Variants in CANT1 observed in about 807,000 individuals in gnomAD.
The protein encoded by CANT1 is calcium activated nucleotidase 1.
Under a neutral mutation model 30.0 loss-of-function variants are expected in CANT1, and 26 were observed. The observed-to-expected ratio is 0.87, with a 90% confidence interval of 0.64 to 1.20. The LOEUF is 1.20. CANT1 is among the 50% of genes most tolerant of loss of function. CANT1 has a pLI of 0.00. For synonymous variants in CANT1, 246 were observed against 251.8 expected, an observed-to-expected ratio of 0.98 and a Z score of 0.22; for missense variants, 518 against 563.0, an observed-to-expected ratio of 0.92 and a Z score of 0.81.
Position 78,994,890 on chromosome 17 carries a change from A to G in CANT1, c.835+128T>C, listed in dbSNP as rs1433658603. On this transcript the variant is annotated intron_variant, in intron 4 of 4. Coordinates refer to ENST00000392446, the MANE Select transcript of CANT1 (RefSeq NM_001159773.2). ...AGCTGAGATCGTGCCACTGCACTCT[A>G]ACCGGGGTGACAGAGCAAGACTATG... 44 of 1,008,004 alleles carry G rather than the reference A, an allele frequency of 4.4e-5. No individual in the cohort carries two copies. In the East Asian group the frequency reaches 1.1e-3, roughly 26 times the overall value. 62.4% of individuals were successfully genotyped at this position (1,008,004 alleles called of 1,614,324 possible). A position where few individuals can be genotyped will look rare whatever the true frequency, so the allele number is the denominator to read the frequency against.
rs1309423148 is a variant in CANT1 at position 78,992,400 on chromosome 17, C to A, written c.*1150G>T. On this transcript the variant is annotated 3_prime_UTR_variant, in exon 5 of 5. Coordinates refer to ENST00000392446, the MANE Select transcript of CANT1 (RefSeq NM_001159773.2). Reference sequence around the variant, plus strand: ...GGAAACGTCCCTTCTCAGCCTGGGTCGTGCCTAACCTGGGTCTCAAATCCC... The same window carrying A: ...GGAAACGTCCCTTCTCAGCCTGGGTAGTGCCTAACCTGGGTCTCAAATCCC... The A allele has an allele frequency of 1.0e-5, 3 of 289,352 alleles. No individual in the cohort carries two copies. The highest frequency in any genetic ancestry group is 1.0e-3 in the Middle Eastern group (1 of 974). 17.9% of individuals were successfully genotyped at this position (289,352 alleles called of 1,614,324 possible).
rs767188166 is a variant in CANT1, at chr17:78,997,530, C to T, written c.93G>A (p.Met31Ile). 8 of 1,567,146 alleles carry T rather than the reference C, an allele frequency of 5.1e-6. No homozygotes were observed. Among genetic ancestry groups the T allele is most frequent in the Non-Finnish European group, 6.1e-6 (7 of 1,155,448 alleles). ...SVGGLPVLAS[M>I]TKAADPRFRP... ...GGAAGCGGGGGTCCGCGGCCTTGGT[C>T]ATGGACGCCAGCACAGGAAGGCCCC... Residue 31 changes from methionine (M) to isoleucine (I), a missense_variant, in exon 3 of 5, where the codon ATG (methionine) becomes ATA (isoleucine). Around this residue, in one of 3 missense-constraint regions of CANT1, gnomAD observed 249 missense variants for 268.8 expected, o/e 0.93. Transcript: ENST00000392446. The surrounding 1 kb of genome is among the most constrained non-coding windows in gnomAD (Gnocchi z 7.5).
chr17:78,997,970 A>T lies in CANT1; in HGVS notation c.-146-7T>A, dbSNP rs1414944429. ...CTGGTGCTCTGTGGTCCCTCTAAAG[A>T]GAGAAGCGCAGGAGAGTCAGGTGGG... On this transcript the variant is annotated splice_region_variant and splice_polypyrimidine_tract_variant and intron_variant, in intron 1 of 4. Coordinates refer to ENST00000392446, the MANE Select transcript of CANT1 (RefSeq NM_001159773.2). This position sits in a 1 kb window ranked among gnomAD's most constrained non-coding sequence, Gnocchi z 7.5. 1.0e-5 allele frequency: 3 copies of T among 295,928 alleles called. No individual in the cohort carries two copies. The highest frequency in any genetic ancestry group is 4.6e-5 in the Admixed American group (1 of 21,658). 18.3% of individuals were successfully genotyped at this position (295,928 alleles called of 1,614,324 possible).
intron 1 of CANT1, chr17:79,000,383 C>A (rs1039959079): frequency 6.5e-6 from 1 of 152,926 alleles, no homozygotes; most frequent in Middle Eastern, 3.3e-3. Flanking sequence ...CAGGTTCTGT[C>A]CTCTTCCATG....
At chr17:78,994,001 C>G in intron 4 of CANT1, 81 bp from the exon 5 acceptor site, 1 of 1,492,092 alleles carries the variant, frequency 6.7e-7, no homozygotes, top group Non-Finnish European at 8.9e-7. Flanking sequence ...TGCGCAGTAG[C>G]AGGCAAGGGG....
intron 1 of CANT1, among the ~76,000 whole-genome samples, chr17:79,003,612 A>C (rs2071344500): frequency 6.6e-6 from 1 of 152,130 alleles, no homozygotes; most frequent in African/African-American, 2.4e-5. Context: ...TGCTCGCTTT[A>C]TTGTGAAAAG....
rs948070676 is a variant in CANT1 at position 78,995,572 on chromosome 17, G to C, written c.632-351C>G. The stretch of plus-strand genomic sequence containing the variant: ...CAGGGGAGTGCGGGTGCTGCCCTCG[G>C]CCACACCTGAGGTCTCACCGAGCAT... On this transcript the variant is annotated intron_variant, in intron 3 of 4. Transcript: ENST00000392446. The surrounding 1 kb of genome is among the most constrained non-coding windows in gnomAD (Gnocchi z 5.7). Among the ~76,000 whole-genome samples, 5 of 152,238 alleles carry C rather than the reference G, an allele frequency of 3.3e-5. No homozygotes were observed. Among genetic ancestry groups the C allele is most frequent in the African/African-American group, 1.2e-4 (5 of 41,470 alleles).
chr17:79,009,101 G>A (rs1207957306), intron 1 of CANT1, among the ~76,000 whole-genome samples: 1 of 151,894 alleles, frequency 6.6e-6, no homozygotes, highest in South Asian at 2.1e-4. Flanking sequence ...GCGGGGAGGC[G>A]TCCCACACTA....
chr17:78,994,497 C>T lies in CANT1; in HGVS notation c.835+521G>A, dbSNP rs1397730423. On this transcript the variant is annotated intron_variant, in intron 4 of 4. Coordinates refer to ENST00000392446, the MANE Select transcript of CANT1 (RefSeq NM_001159773.2). ...GACAACCGGGCCACAGGCTGGGATG[C>T]TAGGAGGCCAGCTGCCAGGGCGAGT... Among the ~76,000 whole-genome samples the T allele has an allele frequency of 2.0e-5, 3 of 152,192 alleles. No homozygotes were observed. The East Asian group carries it at 5.8e-4, about 29-fold the overall frequency.
At chr17:78,999,338 G>A (rs2071158662) in intron 1 of CANT1, among the ~76,000 whole-genome samples, 1 of 152,160 alleles carries the variant, frequency 6.6e-6, no homozygotes, top group African/African-American at 2.4e-5. Context: ...AGCAGGGCTG[G>A]GGTTCCCCGT....
chr17:78,996,931 A>T lies in CANT1; in HGVS notation c.631+61T>A. 1 of 1,605,152 alleles carries T rather than the reference A, an allele frequency of 6.2e-7. No homozygotes were observed. Among genetic ancestry groups the T allele is most frequent in the Non-Finnish European group, 8.5e-7 (1 of 1,177,488 alleles). On this transcript the variant is annotated intron_variant, in intron 3 of 4. Transcript: ENST00000392446. This position sits in a 1 kb window ranked among gnomAD's most constrained non-coding sequence, Gnocchi z 5.1. ...TCTTTACCATGTGCCTGTGTTTGCC[A>T]GCCAGGCCCTGAGCTCCCACTCCCC...
intron 1 of CANT1, among the ~76,000 whole-genome samples, chr17:79,000,913 C>G (rs536935471): frequency 6.6e-6 from 1 of 152,216 alleles, no homozygotes; most frequent in African/African-American, 2.4e-5. Context: ...CAGCACCTGA[C>G]GCACTGCCAG....
intron 1 of CANT1, among the ~76,000 whole-genome samples, chr17:79,007,880 C>T (rs548704652): frequency 3.3e-5 from 5 of 152,336 alleles, no homozygotes; most frequent in South Asian, 2.1e-4. Flanking sequence ...GCCCCTCCAG[C>T]GAGGTGTCCC....
chr17:79,009,050 G>A (rs1294908759), intron 1 of CANT1, among the ~76,000 whole-genome samples: 1 of 152,194 alleles, frequency 6.6e-6, no homozygotes, highest in African/African-American at 2.4e-5. Context: ...AAGGTGGTGG[G>A]AGGGGGTCAT....
At position 78,996,842 on chromosome 17, in the gene CANT1, C is replaced by T. The variant is rs1387762815; in HGVS notation, c.631+150G>A. On this transcript the variant is annotated intron_variant, in intron 3 of 4. Transcript: ENST00000392446. The surrounding 1 kb of genome is among the most constrained non-coding windows in gnomAD (Gnocchi z 5.1). ...TGCTCCTGGCTAAGGGTAAGGGGGC[C>T]GCAGGTCAGAGCAAGAGGGAGACGT... 6.4e-6 allele frequency: 7 copies of T among 1,095,282 alleles called. No individual in the cohort carries two copies. The highest frequency in any genetic ancestry group is 4.7e-5 in the East Asian group (2 of 42,578). 67.8% of individuals were successfully genotyped at this position (1,095,282 alleles called of 1,614,324 possible).
intron 1 of CANT1, among the ~76,000 whole-genome samples, chr17:79,006,834 CCCACCTGCTTACTG>C (rs1433438924): frequency 1.3e-5 from 2 of 152,196 alleles, no homozygotes; most frequent in Non-Finnish European, 2.9e-5. Flanking sequence ...CCTGCACGAG[CCCACCTGCTTACTG>C]CCACCTTCTC....
At position 79,009,421 on chromosome 17, in the gene CANT1, G is replaced by C. The variant is rs557751488; in HGVS notation, c.-147+243C>G. Among the ~76,000 whole-genome samples the C allele has an allele frequency of 1.1e-3, 164 of 152,306 alleles. 1 individual carries two copies. Among genetic ancestry groups the C allele is most frequent in the African/African-American group, 3.7e-3 (154 of 41,570 alleles). ...GTCCCAGGGATGAGGTGTCCCAAAA[G>C]TCAGAGGGGGTGGTGTCCACCGCCT... On this transcript the variant is annotated intron_variant, in intron 1 of 4. Coordinates refer to ENST00000392446, the MANE Select transcript of CANT1 (RefSeq NM_001159773.2).
At position 78,995,260 on chromosome 17, in the gene CANT1, C is replaced by A. The variant is rs1437005653; in HGVS notation, c.632-39G>T. ...GTGTCCTTAGGCCCCGCACCCAGCT[C>A]CCGCCGCACCCCTGCACCTGGCTCC... is the stretch of plus-strand genomic sequence containing the variant. On this transcript the variant is annotated intron_variant, in intron 3 of 4. Coordinates refer to ENST00000392446, the MANE Select transcript of CANT1 (RefSeq NM_001159773.2). The surrounding 1 kb of genome is among the most constrained non-coding windows in gnomAD (Gnocchi z 5.7). 6.3e-7 allele frequency: 1 copy of A among 1,593,060 alleles called. No individual in the cohort carries two copies. Among genetic ancestry groups the A allele is most frequent in the African/African-American group, 1.3e-5 (1 of 74,728 alleles).
Position 78,993,705 on chromosome 17 carries a change from G to A in CANT1, c.1051C>T (p.Pro351Ser). The change falls in exon 5 of 5, where the codon CCC becomes TCC. Residue 351 changes from proline to serine, a missense_variant. Pro to Ser is a moderately conservative substitution (Grantham distance 74). Coordinates refer to ENST00000392446, the MANE Select transcript of CANT1 (RefSeq NM_001159773.2). The surrounding 1 kb of genome is among the most constrained non-coding windows in gnomAD (Gnocchi z 4.5). ...THGFSSFKFI[P>S]NTDDQIIVAL... is the part of the protein sequence containing the mutation. Reference sequence around the variant, plus strand: ...ACAATGATCTGGTCGTCGGTGTTGGGGATGAACTTGAAGGACGAGAAGCCG... The same window carrying A: ...ACAATGATCTGGTCGTCGGTGTTGGAGATGAACTTGAAGGACGAGAAGCCG... 1 of 1,614,222 alleles carries A rather than the reference G, an allele frequency of 6.2e-7. No individual in the cohort carries two copies. Among genetic ancestry groups the A allele is most frequent in the Non-Finnish European group, 8.5e-7 (1 of 1,180,048 alleles).
Sources: allele counts gnomAD v4.1 joint callset (sites outside exome capture counted in the v4.1 genomes callset), GRCh38; gene constraint gnomAD v4.1.1; regional missense constraint gnomAD v4.1.1; non-coding constraint Gnocchi (gnomAD v3.1); transcripts MANE v1.5; gene names NCBI Gene and HGNC (gene_info 2026-07-23, HGNC 2026-07-21).